Variants in KRT80 observed in about 807,000 individuals in gnomAD.
The protein encoded by KRT80 is keratin 80, also known as keratin, type II cytoskeletal 80.
In KRT80, 36 loss-of-function variants were observed where a neutral mutation model predicts 51.5. The ratio of observed to expected loss-of-function variants is 0.70; its 90% CI spans 0.54 to 0.92. The LOEUF is 0.92. KRT80 is among the 40% of genes least tolerant of loss of function. The probability of loss-of-function intolerance (pLI) is 0.00; values close to 1 mark genes in which losing one functional copy is unlikely to be tolerated. For missense variants in KRT80, 566 were observed against 591.7 expected (o/e 0.96, Z 0.45); for synonymous variants, 235 against 248.3 (o/e 0.95, Z 0.50).
In KRT80 at chr12:52,170,875, G is replaced by A. The variant is rs554850349; in HGVS notation, c.*523C>T. 4.6e-4 allele frequency: 72 copies of A among 156,306 alleles called. No individual in the cohort carries two copies. The highest frequency in any genetic ancestry group is 1.9e-3 in the Admixed American group (31 of 15,902). 9.7% of individuals were successfully genotyped at this position (156,306 alleles called of 1,614,324 possible). On this transcript the variant is annotated 3_prime_UTR_variant, in exon 9 of 9. Transcript: ENST00000394815. Reference sequence around the variant, plus strand: ...AGCCCAAAGAGCACGGGAAAGCCAAGAGGGTCTTCAGCAGCCAGCCTTCCC... The same window carrying A: ...AGCCCAAAGAGCACGGGAAAGCCAAAAGGGTCTTCAGCAGCCAGCCTTCCC...
chr12:52,189,104 G>A (rs1941445393), intron 1 of KRT80, among the ~76,000 whole-genome samples: 1 of 152,108 alleles, frequency 6.6e-6, no homozygotes, highest in South Asian at 2.1e-4. Flanking sequence ...TGCTCCTCCT[G>A]AGTGCTCCCA....
In KRT80 at chr12:52,173,157, C is replaced by T; in HGVS notation, c.838G>A (p.Glu280Lys). The part of the protein sequence containing the change: ...AEAYSRSQLE[E>K]QAARSAEYGS... ...TACTCGGCCGAGCGGGCGGCCTGCT[C>T]CTCCAGCTGGAGGTACATGGAGGTC... Residue 280 changes from glutamate to lysine, a missense_variant, in exon 6 of 9, where the codon GAG (glutamate) becomes AAG (lysine). Glu to Lys is a moderately conservative substitution (Grantham distance 56). Coordinates refer to ENST00000394815, the MANE Select transcript of KRT80 (RefSeq NM_182507.3). The T allele has an allele frequency of 6.2e-7, 1 of 1,608,936 alleles. No individual in the cohort carries two copies.
At chr12:52,181,234 C>T (rs1416836799) in intron 2 of KRT80, among the ~76,000 whole-genome samples, 2 of 152,172 alleles carry the variant, frequency 1.3e-5, no homozygotes, top group African/African-American at 2.4e-5. Flanking sequence ...CTCTGCTCCA[C>T]ACCCACTCCC....
Position 52,176,033 on chromosome 12 carries a change from C to T in KRT80, c.667-2269G>A, listed in dbSNP as rs934655590. ...GCCTAACTTGGCATTCGTTATGGCC[C>T]CAGGAAAGGCCGGCGCACTGTGAGG... On this transcript the variant is annotated intron_variant, in intron 4 of 8. Coordinates refer to ENST00000394815, the MANE Select transcript of KRT80 (RefSeq NM_182507.3). Among the ~76,000 whole-genome samples the T allele has an allele frequency of 2.6e-5, 4 of 152,180 alleles. No homozygotes were observed. The South Asian group carries it at 8.3e-4, about 31-fold the overall frequency.
At chr12:52,181,061 G>A in intron 2 of KRT80, 98 bp from the exon 3 acceptor site, 1 of 862,606 alleles carries the variant, frequency 1.2e-6, no homozygotes, top group African/African-American at 1.7e-5. Context: ...TATCCCACTT[G>A]GGGTCTCTTT....
chr12:52,180,862 C>T (rs1018242410), intron 3 of KRT80, 41 bp downstream of exon 3: 5 of 1,610,798 alleles, frequency 3.1e-6, no homozygotes, highest in Admixed American at 1.7e-5. Flanking sequence ...GGGCCCAGGG[C>T]CCATGAGGAA....
intron 1 of KRT80, among the ~76,000 whole-genome samples, chr12:52,188,180 C>A (rs948851811): frequency 1.3e-5 from 2 of 152,108 alleles, no homozygotes; most frequent in African/African-American, 4.8e-5. Context: ...ATCCTGGTGC[C>A]CTGAGAGGTG....
At chr12:52,188,973 G>A (rs576177612) in intron 1 of KRT80, among the ~76,000 whole-genome samples, 10 of 152,302 alleles carry the variant, frequency 6.6e-5, no homozygotes, top group East Asian at 1.9e-4. Flanking sequence ...CAGGACCACC[G>A]GCAGAGCAGA....
rs908300708 is a variant in KRT80, at chr12:52,172,367, C to T, written c.1009G>A (p.Ala337Thr). The T allele has an allele frequency of 3.7e-6, 6 of 1,614,204 alleles. No individual in the cohort carries two copies. Among genetic ancestry groups the T allele is most frequent in the Non-Finnish European group, 4.2e-6 (5 of 1,180,024 alleles). ...IKTAEEQGEL[A>T]FQDAKTKLAQ... ...AGCTTGGTCTTGGCATCCTGGAAGG[C>T]CAGCTCACCCTGCTCCTCAGCTGTC... The change falls in exon 7 of 9, where the codon GCC (alanine) becomes ACC (threonine). Residue 337 changes from alanine (A) to threonine (T), a missense_variant. Coordinates refer to ENST00000394815, the MANE Select transcript of KRT80 (RefSeq NM_182507.3).
chr12:52,191,383 G>A (rs1941478358), intron 1 of KRT80, among the ~76,000 whole-genome samples: 1 of 152,140 alleles, frequency 6.6e-6, no homozygotes, highest in African/African-American at 2.4e-5. Context: ...TCCCTCAAAG[G>A]CCATCCTGGG....
intron 4 of KRT80, among the ~76,000 whole-genome samples, chr12:52,174,832 G>T (rs1385622619): frequency 6.6e-6 from 1 of 152,210 alleles, no homozygotes; most frequent in Non-Finnish European, 1.5e-5. Context: ...AATGCTCAGG[G>T]GTGTGTAGGG....
At chr12:52,174,254 C>G (rs897703056) in intron 4 of KRT80, among the ~76,000 whole-genome samples, 5 of 152,184 alleles carry the variant, frequency 3.3e-5, no homozygotes, top group African/African-American at 9.7e-5. Context: ...TCTGAGCCCC[C>G]ACGTCTGGGA....
rs557413344 is a variant in KRT80 at position 52,191,450 on chromosome 12, C to T, written c.300+153G>A. ...AGGGACTTCCCTCCCCCAGCCTCTGCTCAGAGCTAGCCTGTCGGGTTAGCA... is the reference window on the plus strand; with the variant it reads ...AGGGACTTCCCTCCCCCAGCCTCTGTTCAGAGCTAGCCTGTCGGGTTAGCA... On this transcript the variant is annotated intron_variant, in intron 1 of 8. Coordinates refer to ENST00000394815, the MANE Select transcript of KRT80 (RefSeq NM_182507.3). 1.1e-4 allele frequency among the ~76,000 whole-genome samples: 16 copies of T among 152,258 alleles called. No homozygotes were observed. The South Asian group carries it at 2.9e-3, about 28-fold the overall frequency.
At position 52,191,948 on chromosome 12, in the gene KRT80, G is replaced by A. The variant is rs1941489419; in HGVS notation, c.-46C>T. 2.1e-6 allele frequency: 3 copies of A among 1,427,214 alleles called. No homozygotes were observed. Among genetic ancestry groups the A allele is most frequent in the African/African-American group, 1.4e-5 (1 of 69,426 alleles). 88.4% of individuals were successfully genotyped at this position (1,427,214 alleles called of 1,614,324 possible). On this transcript the variant is annotated 5_prime_UTR_variant, in exon 1 of 9. Coordinates refer to ENST00000394815, the MANE Select transcript of KRT80 (RefSeq NM_182507.3). The stretch of plus-strand genomic sequence containing the variant: ...GGAGGGCCCAGGGGGGTGAGCGAGT[G>A]AGCCTGGGGTTGCGTCGGGTGGCAG...
chr12:52,175,274 C>T lies in KRT80; in HGVS notation c.667-1510G>A, dbSNP rs866276411. The stretch of plus-strand genomic sequence containing the variant: ...ACACTGGCTGTCTGCCTTGCAGAGT[C>T]CCCACAGCTGGGTTTGATTGTTGTA... On this transcript the variant is annotated intron_variant, in intron 4 of 8. Transcript: ENST00000394815. Among the ~76,000 whole-genome samples, 4 of 152,260 alleles carry T rather than the reference C, an allele frequency of 2.6e-5. No individual in the cohort carries two copies. In the South Asian group the frequency reaches 8.3e-4, roughly 32 times the overall value.
chr12:52,181,459 C>T (rs929086902), intron 2 of KRT80, among the ~76,000 whole-genome samples: 10 of 152,202 alleles, frequency 6.6e-5, no homozygotes, highest in African/African-American at 2.4e-4. Flanking sequence ...ATTGTATTCC[C>T]TCCAAAGGGA....
rs375673916 is a variant in KRT80, at chr12:52,191,607, C to A, written c.296G>T (p.Gly99Val). 1.9e-6 allele frequency: 3 copies of A among 1,583,228 alleles called. No homozygotes were observed. In the African/African-American group the frequency reaches 4.0e-5, roughly 21 times the overall value. ...GGACCCCCTACTTGTGCTCACCTTG[C>A]CAATTAGGGAGGCAAATTTATCATT... ...ALNDKFASLI[G>V]KVQALEQRNQ... Residue 99 changes from glycine (G) to valine (V), a missense_variant, in exon 1 of 9, where the codon GGC becomes GTC. Transcript: ENST00000394815.
chr12:52,180,612 G>A lies in KRT80; in HGVS notation c.571-4C>T, dbSNP rs1026661515. On this transcript the variant is annotated splice_polypyrimidine_tract_variant and splice_region_variant and intron_variant, in intron 3 of 8. Transcript: ENST00000394815. ...GAAGACACTCTGCATCCAGGTCCTG[G>A]GGTTGGCAGCAGTGGTGAGTGGTGG... 23 of 1,513,638 alleles carry A rather than the reference G, an allele frequency of 1.5e-5. No homozygotes were observed. The highest frequency in any genetic ancestry group is 1.9e-5 in the Non-Finnish European group (22 of 1,132,206). The allele number at this position is 1,513,638 out of a possible 1,614,324, so 93.8% of individuals were successfully genotyped here.
At chr12:52,191,492 G>T in intron 1 of KRT80, 111 bp downstream of exon 1, 1 of 1,079,626 alleles carries the variant, frequency 9.3e-7, no homozygotes, top group Non-Finnish European at 1.3e-6. Flanking sequence ...TCTCCCCATT[G>T]GCTGGGTGCA....
Sources: allele counts gnomAD v4.1 joint callset (sites outside exome capture counted in the v4.1 genomes callset), GRCh38; gene constraint gnomAD v4.1.1; transcripts MANE v1.5; gene names NCBI Gene and HGNC (gene_info 2026-07-23, HGNC 2026-07-21).